ABLIM1: variants seen among roughly 807,000 people sequenced by gnomAD.
The protein encoded by ABLIM1 is actin binding LIM protein 1, also known as actin-binding LIM protein 1.
A neutral mutation model predicts 107.0 loss-of-function variants in ABLIM1; 40 were observed. That is an observed-to-expected ratio of 0.37 (90% CI 0.29 to 0.49). The LOEUF is 0.49. ABLIM1 is among the 20% of genes least tolerant of loss of function. The pLI is 0.97. For missense variants in ABLIM1, 857 were observed against 1,008.5 expected (o/e 0.85, Z 2.04); for synonymous variants, 357 against 357.3 (o/e 1.00, Z 0.01).
chr10:114,576,030 G>A (rs1008079587), intron 2 of ABLIM1, among the ~76,000 whole-genome samples: 9 of 152,138 alleles, frequency 5.9e-5, no homozygotes, highest in African/African-American at 2.2e-4. Flanking sequence ...GGCAGTAGCT[G>A]AAATTTCCGA....
chr10:114,476,734 A>T (rs966945038), intron 8 of ABLIM1, among the ~76,000 whole-genome samples: 2 of 151,884 alleles, frequency 1.3e-5, no homozygotes, highest in Middle Eastern at 3.4e-3. Flanking sequence ...GGCACAATCA[A>T]AATGTATTCC....
At chr10:114,734,477 A>G (rs1432478622) in intron 1 of ABLIM1, among the ~76,000 whole-genome samples, 1 of 151,564 alleles carries the variant, frequency 6.6e-6, no homozygotes, top group East Asian at 1.9e-4. Context: ...AGTTTCTCCC[A>G]GACAATTCTT....
chr10:114,553,225 C>T (rs1223235066), intron 4 of ABLIM1, among the ~76,000 whole-genome samples: 3 of 152,210 alleles, frequency 2.0e-5, no homozygotes, highest in African/African-American at 7.2e-5. Context: ...GCTAAACTCC[C>T]AGCCACCGCT....
intron 4 of ABLIM1, among the ~76,000 whole-genome samples, chr10:114,559,365 C>T (rs2483550): frequency 5.0e-5 from 7 of 140,776 alleles, no homozygotes; most frequent in East Asian, 4.3e-4. Flanking sequence ...CTACTCAGGA[C>T]GCTGAGGTGG....
intron 14 of ABLIM1, among the ~76,000 whole-genome samples, 162 bp from the exon 15 acceptor site, chr10:114,448,182 T>C (rs1427779906): frequency 6.6e-6 from 1 of 152,240 alleles, no homozygotes; most frequent in Non-Finnish European, 1.5e-5. Flanking sequence ...GAGGTACCTA[T>C]TGACAAGTCA....
intron 1 of ABLIM1, among the ~76,000 whole-genome samples, chr10:114,704,152 T>C (rs2081358311): frequency 6.6e-6 from 1 of 151,830 alleles, no homozygotes; most frequent in Non-Finnish European, 1.5e-5. Flanking sequence ...AGAGAACCTA[T>C]GTCTAAATTC....
intron 1 of ABLIM1, among the ~76,000 whole-genome samples, chr10:114,762,421 T>C (rs982620917): frequency 6.6e-6 from 1 of 152,204 alleles, no homozygotes; most frequent in African/African-American, 2.4e-5. Flanking sequence ...TATTAACTAA[T>C]TGCTGGCATG....
chr10:114,588,947 C>T (rs930956229), intron 2 of ABLIM1, among the ~76,000 whole-genome samples: 1 of 152,072 alleles, frequency 6.6e-6, no homozygotes, highest in African/African-American at 2.4e-5. Flanking sequence ...AATTTATGTA[C>T]CGCATAATGA....
chr10:114,520,994 AAGTGACTTAAGATACAGC>A (rs1408197166), intron 6 of ABLIM1, among the ~76,000 whole-genome samples: 1 of 152,136 alleles, frequency 6.6e-6, no homozygotes, highest in Non-Finnish European at 1.5e-5. Flanking sequence ...CAATAAAAAT[AAGTGACTTAAGATACAGC>A]AGCTAGTTAT....
intron 1 of ABLIM1, among the ~76,000 whole-genome samples, chr10:114,750,600 A>T (rs748674613): frequency 5.9e-5 from 9 of 152,244 alleles, no homozygotes; most frequent in Non-Finnish European, 1.0e-4. Flanking sequence ...ATTACATATG[A>T]CAACAATTCC....
chr10:114,608,540 A>G lies in ABLIM1; in HGVS notation c.245-6579T>C, dbSNP rs571781818. Among the ~76,000 whole-genome samples, 31 of 148,200 alleles carry G rather than the reference A, an allele frequency of 2.1e-4. 2 individuals carry two copies. In the South Asian group the frequency reaches 6.3e-3, roughly 30 times the overall value. On this transcript the variant is annotated intron_variant, in intron 1 of 22. Transcript: ENST00000533213. Reference sequence around the variant, plus strand: ...CAAAATTAGCTGGGCGTGGTGGCGTATGCCTGTAATCCCAGCTACTCGGGA... The same window carrying G: ...CAAAATTAGCTGGGCGTGGTGGCGTGTGCCTGTAATCCCAGCTACTCGGGA...
At chr10:114,788,827 T>G in the ABLIM1 span, among the ~76,000 whole-genome samples, 5 of 152,240 alleles carry the variant, frequency 3.3e-5, no homozygotes, top group Non-Finnish European at 4.4e-5. Context: ...AGTTAACAAC[T>G]AATACTTCTT....
At chr10:114,677,850 A>T (rs2080559705) in intron 1 of ABLIM1, among the ~76,000 whole-genome samples, 1 of 152,228 alleles carries the variant, frequency 6.6e-6, no homozygotes. Flanking sequence ...GTAAACTGGT[A>T]TTAAAGATTT....
chr10:114,739,997 T>A (rs900941582), intron 1 of ABLIM1, among the ~76,000 whole-genome samples: 1 of 152,154 alleles, frequency 6.6e-6, no homozygotes, highest in Non-Finnish European at 1.5e-5. Flanking sequence ...AGAACAGAGA[T>A]AGCCATTTCT....
At chr10:114,480,844 C>CCA (rs148454546) in intron 8 of ABLIM1, among the ~76,000 whole-genome samples, 114 of 151,676 alleles carry the variant, frequency 7.5e-4, no homozygotes, top group African/African-American at 7.0e-4. Flanking sequence ...TTTTTACTTT[C>CCA]CACACACACA....
At chr10:114,439,724 C>T (rs1016299657) in intron 20 of ABLIM1, 25 of 347,482 alleles carry the variant, frequency 7.2e-5, no homozygotes, top group Middle Eastern at 1.7e-3. Context: ...CATTTGAGAA[C>T]GCGCAGGAAA....
chr10:114,615,680 T>C (rs1435548454), intron 1 of ABLIM1: 3 of 408,914 alleles, frequency 7.3e-6, no homozygotes, highest in Non-Finnish European at 1.5e-5. Context: ...AGCAACAGTC[T>C]TTGGGTGAAA....
At chr10:114,690,483 A>T in intron 1 of ABLIM1, 1 of 1,570,028 alleles carries the variant, frequency 6.4e-7, no homozygotes, top group Non-Finnish European at 8.8e-7. Context: ...AATTCTGTGA[A>T]AGCGGGAGCC....
At chr10:114,653,200 C>T (rs190019389) in intron 1 of ABLIM1, among the ~76,000 whole-genome samples, 2 of 152,286 alleles carry the variant, frequency 1.3e-5, no homozygotes, top group Admixed American at 1.3e-4. Flanking sequence ...AAAAGTAATT[C>T]CTGCTTTGTT....
Sources: gnomAD v4.1 joint callset for allele counts (sites outside exome capture counted in the v4.1 genomes callset) on GRCh38, gnomAD v4.1.1 for gene constraint, MANE v1.5 for transcripts, NCBI Gene and HGNC (gene_info 2026-07-23, HGNC 2026-07-21) for gene names.